KCNAB1: variants seen among roughly 807,000 people sequenced by gnomAD.
The protein encoded by KCNAB1 is voltage-gated potassium channel subunit beta-1.
In KCNAB1, 35 loss-of-function variants were observed where a neutral mutation model predicts 64.6. That is an observed-to-expected ratio of 0.54 (90% CI 0.41 to 0.72). The LOEUF (loss-of-function observed/expected upper bound fraction) is 0.72, where lower values mean the gene tolerates loss of function less well. Ranked by LOEUF, KCNAB1 falls within the 30% of genes least tolerant of loss-of-function variation. KCNAB1 has a pLI of 0.00. For synonymous variants in KCNAB1, 177 were observed against 183.8 expected, an observed-to-expected ratio of 0.96 and a Z score of 0.30; for missense variants, 401 against 512.9, an observed-to-expected ratio of 0.78 and a Z score of 2.11.
chr3:156,205,235 C>G (rs1714581983), intron 1 of KCNAB1, among the ~76,000 whole-genome samples: 2 of 152,090 alleles, frequency 1.3e-5, no homozygotes, highest in African/African-American at 4.8e-5. Flanking sequence ...ATATCTGTGT[C>G]CATAAGTCAG....
intron 1 of KCNAB1, among the ~76,000 whole-genome samples, chr3:156,271,641 A>G (rs1719044132): frequency 6.6e-6 from 1 of 152,124 alleles, no homozygotes; most frequent in African/African-American, 2.4e-5. Context: ...AGCTATTTCA[A>G]ATGCTCTGTA....
At chr3:156,267,392 T>C (rs886091668) in intron 1 of KCNAB1, among the ~76,000 whole-genome samples, 2 of 152,190 alleles carry the variant, frequency 1.3e-5, no homozygotes, top group Non-Finnish European at 2.9e-5. Context: ...TTTACAAGAT[T>C]GATCTGCCTA....
At chr3:156,212,392 A>AT (rs1378330811) in intron 1 of KCNAB1, among the ~76,000 whole-genome samples, 1 of 152,184 alleles carries the variant, frequency 6.6e-6, no homozygotes, top group African/African-American at 2.4e-5. Flanking sequence ...TCTTTTATGA[A>AT]TAAAAAAATG....
At chr3:156,266,539 A>G (rs1718724492) in intron 1 of KCNAB1, among the ~76,000 whole-genome samples, 1 of 152,226 alleles carries the variant, frequency 6.6e-6, no homozygotes, top group African/African-American at 2.4e-5. Flanking sequence ...ACCTTGATTA[A>G]CTATGGACTA....
chr3:156,181,417 C>A (rs1291977558), intron 1 of KCNAB1, among the ~76,000 whole-genome samples: 1 of 152,176 alleles, frequency 6.6e-6, no homozygotes, highest in Admixed American at 6.5e-5. Context: ...GGAGTTGATG[C>A]TTACACTGGT....
intron 1 of KCNAB1, among the ~76,000 whole-genome samples, chr3:156,125,695 C>A (rs1713614952): frequency 6.6e-6 from 1 of 152,162 alleles, no homozygotes; most frequent in South Asian, 2.1e-4. Flanking sequence ...GCTCTCAAAA[C>A]TGCTTGACTT....
chr3:156,244,754 C>T (rs1717357918), intron 1 of KCNAB1, among the ~76,000 whole-genome samples: 1 of 152,152 alleles, frequency 6.6e-6, no homozygotes, highest in Non-Finnish European at 1.5e-5. Flanking sequence ...ATTCTAGTTT[C>T]CAGCCTAGAG....
At chr3:156,225,485 A>C (rs1378287727) in intron 1 of KCNAB1, among the ~76,000 whole-genome samples, 3 of 152,192 alleles carry the variant, frequency 2.0e-5, no homozygotes, top group Non-Finnish European at 4.4e-5. Flanking sequence ...GGAAAATTTT[A>C]AAGCATTCCC....
intron 1 of KCNAB1, among the ~76,000 whole-genome samples, chr3:156,159,664 T>C (rs1715959534): frequency 1.3e-5 from 2 of 152,202 alleles, no homozygotes; most frequent in Admixed American, 1.3e-4. Context: ...TGAGGAGATA[T>C]TAGGAATAAT....
intron 1 of KCNAB1, among the ~76,000 whole-genome samples, chr3:156,149,766 G>A (rs1464482402): frequency 6.6e-6 from 1 of 152,042 alleles, no homozygotes; most frequent in Admixed American, 6.6e-5. Flanking sequence ...AGTATTACAG[G>A]GTTGACATAT....
chr3:156,207,302 G>T (rs1157301285), intron 1 of KCNAB1, among the ~76,000 whole-genome samples: 1 of 152,208 alleles, frequency 6.6e-6, no homozygotes. Flanking sequence ...TACTCTCCTT[G>T]CAGGGGATCA....
Position 156,286,543 on chromosome 3 carries a change from C to T in KCNAB1, c.276-135073C>T, listed in dbSNP as rs533570641. Reference sequence around the variant, plus strand: ...CAAAAAATGTTTGGTTCTGACTTTACTGGCAACAAATTGAATCAATCAATA... The same window carrying T: ...CAAAAAATGTTTGGTTCTGACTTTATTGGCAACAAATTGAATCAATCAATA... On this transcript the variant is annotated intron_variant, in intron 1 of 13. Transcript: ENST00000490337. 2.0e-5 allele frequency among the ~76,000 whole-genome samples: 3 copies of T among 152,252 alleles called. No homozygotes were observed. In the South Asian group the frequency reaches 6.2e-4, roughly 32 times the overall value.
At chr3:156,324,167 T>C (rs1195160828) in intron 1 of KCNAB1, among the ~76,000 whole-genome samples, 3 of 152,074 alleles carry the variant, frequency 2.0e-5, no homozygotes, top group African/African-American at 7.2e-5. Context: ...AATAGAAAAA[T>C]TGAAACCATA....
At chr3:156,381,842 C>T (rs947177236) in intron 1 of KCNAB1, among the ~76,000 whole-genome samples, 15 of 152,168 alleles carry the variant, frequency 9.9e-5, no homozygotes, top group African/African-American at 1.7e-4. Flanking sequence ...TCATTTGACA[C>T]GTGAAAGGTT....
At chr3:156,377,571 C>A (rs1388167483) in intron 1 of KCNAB1, among the ~76,000 whole-genome samples, 3 of 152,116 alleles carry the variant, frequency 2.0e-5, no homozygotes, top group African/African-American at 4.8e-5. Context: ...CCTGACTTGT[C>A]AATGCTTAAC....
At chr3:156,287,582 C>T (rs1016494594) in intron 1 of KCNAB1, among the ~76,000 whole-genome samples, 1 of 151,992 alleles carries the variant, frequency 6.6e-6, no homozygotes, top group Non-Finnish European at 1.5e-5. Context: ...CTATAATCCC[C>T]GTACTGTGGG....
intron 1 of KCNAB1, among the ~76,000 whole-genome samples, chr3:156,249,510 T>A (rs1199744351): frequency 1.3e-5 from 2 of 151,272 alleles, no homozygotes. Flanking sequence ...AGGCAGAGGT[T>A]GCAGTTGTGC....
chr3:156,410,954 A>G (rs949410337), intron 1 of KCNAB1, among the ~76,000 whole-genome samples: 6 of 152,178 alleles, frequency 3.9e-5, no homozygotes, highest in Admixed American at 2.0e-4. Flanking sequence ...TCACTTTGGT[A>G]AATACTTAGG....
At chr3:156,483,251 T>G (rs1309335229) in intron 8 of KCNAB1, among the ~76,000 whole-genome samples, 2 of 152,126 alleles carry the variant, frequency 1.3e-5, no homozygotes, top group African/African-American at 4.8e-5. Flanking sequence ...CAAGCCCACC[T>G]GGCCATGACC....
Sources: allele counts gnomAD v4.1 joint callset (sites outside exome capture counted in the v4.1 genomes callset), GRCh38; gene constraint gnomAD v4.1.1; transcripts MANE v1.5; gene names NCBI Gene and HGNC (gene_info 2026-07-23, HGNC 2026-07-21).